The following WWC2 variants were observed in gnomAD, a reference collection of about 807,000 sequenced individuals.
The protein encoded by WWC2 is WW and C2 domain containing 2, also known as protein WWC2.
Under a neutral mutation model 138.5 loss-of-function variants are expected in WWC2, and 101 were observed. The ratio of observed to expected loss-of-function variants is 0.73; its 90% CI spans 0.62 to 0.86. WWC2 has a LOEUF of 0.86. Among genes scored for constraint, WWC2 ranks in the 40% least tolerant of loss-of-function variants. WWC2 has a pLI of 0.00. For missense variants in WWC2, 1,420 were observed against 1,419.4 expected, an observed-to-expected ratio of 1.00 and a Z score of -0.01; for synonymous variants, 558 against 538.4, an observed-to-expected ratio of 1.04 and a Z score of -0.50.
chr4:183,284,072 C>A (rs1738165290), intron 18 of WWC2, among the ~76,000 whole-genome samples, 154 bp from the exon 19 acceptor site: 1 of 152,200 alleles, frequency 6.6e-6, no homozygotes, highest in Non-Finnish European at 1.5e-5. Flanking sequence ...TTCAGAAGTA[C>A]TATAGTCTGT....
At chr4:183,170,180 T>C (rs956485625) in intron 1 of WWC2, among the ~76,000 whole-genome samples, 2 of 152,226 alleles carry the variant, frequency 1.3e-5, no homozygotes, top group African/African-American at 4.8e-5. Context: ...ATTGTGCCGT[T>C]GGCCAGAGAA....
In WWC2 at chr4:183,254,298, A is replaced by T. The variant is rs1198095453; in HGVS notation, c.1196+299A>T. Reference sequence around the variant, plus strand: ...GATAACAATAGCTATAAACTATTGCACTCCGATAAGAAAAATTATCTAGAC... The same window carrying T: ...GATAACAATAGCTATAAACTATTGCTCTCCGATAAGAAAAATTATCTAGAC... On this transcript the variant is annotated intron_variant, in intron 9 of 22. Transcript: ENST00000403733. Among the ~76,000 whole-genome samples the T allele has an allele frequency of 2.6e-5, 4 of 152,302 alleles. No individual in the cohort carries two copies. The East Asian group carries it at 7.7e-4, about 29-fold the overall frequency.
intron 1 of WWC2, among the ~76,000 whole-genome samples, chr4:183,100,223 G>T (rs1368175942): frequency 3.9e-5 from 6 of 152,250 alleles, no homozygotes; most frequent in African/African-American, 1.4e-4. Flanking sequence ...TTCGCTGTCT[G>T]TCGTTAGTCT....
chr4:183,320,120 C>G lies in WWC2; in HGVS notation c.*4391C>G, dbSNP rs1431128005. The G allele has an allele frequency of 3.1e-6, 5 of 1,614,010 alleles. No homozygotes were observed. Among genetic ancestry groups the G allele is most frequent in the East Asian group, 2.2e-5 (1 of 44,900 alleles). ...CATTTAAGTCCAGGTTGAGGTTCTT[C>G]CAGTGTGGCAGGTAGTTTGTAAGAC... On this transcript the variant is annotated 3_prime_UTR_variant, in exon 23 of 23. Coordinates refer to ENST00000403733, the MANE Select transcript of WWC2 (RefSeq NM_024949.6).
chr4:183,196,592 GCTAGAAGGCTCTTC>G (rs1213897526), intron 2 of WWC2, among the ~76,000 whole-genome samples: 1 of 152,136 alleles, frequency 6.6e-6, no homozygotes, highest in Non-Finnish European at 1.5e-5. Flanking sequence ...TCTATTCCTT[GCTAGAAGGCTCTTC>G]CTAGTCTGCT....
chr4:183,174,607 G>A (rs1025737032), intron 1 of WWC2, among the ~76,000 whole-genome samples: 4 of 152,150 alleles, frequency 2.6e-5, no homozygotes, highest in African/African-American at 9.7e-5. Flanking sequence ...AATCTGTGTA[G>A]TGTTTACTGG....
chr4:183,210,500 A>G (rs558962993), intron 4 of WWC2, among the ~76,000 whole-genome samples: 12 of 152,372 alleles, frequency 7.9e-5, no homozygotes, highest in Non-Finnish European at 1.5e-4. Flanking sequence ...TTGATTCACT[A>G]TAGTAATCAT....
intron 2 of WWC2, chr4:183,203,718 A>G (rs1333780679): frequency 1.3e-5 from 2 of 152,158 alleles, no homozygotes. Flanking sequence ...TTTTACAATA[A>G]CCAGAGCTGC....
At chr4:183,283,181 T>G (rs1560885724) in intron 18 of WWC2, among the ~76,000 whole-genome samples, 2 of 152,258 alleles carry the variant, frequency 1.3e-5, no homozygotes, top group African/African-American at 4.8e-5. Flanking sequence ...TCTGTGAATA[T>G]TAAAAGTATT....
chr4:183,158,276 G>A (rs1370475806), intron 1 of WWC2, among the ~76,000 whole-genome samples: 1 of 152,118 alleles, frequency 6.6e-6, no homozygotes, highest in African/African-American at 2.4e-5. Context: ...AAAAAATGAG[G>A]TTTGGGGTAT....
chr4:183,152,751 C>T (rs1371089447), intron 1 of WWC2, among the ~76,000 whole-genome samples: 4 of 149,694 alleles, frequency 2.7e-5, no homozygotes, highest in Admixed American at 1.3e-4. Flanking sequence ...GGTGTGGTGG[C>T]GGGTGCCTGT....
chr4:183,192,570 A>G (rs556169896), intron 1 of WWC2, among the ~76,000 whole-genome samples: 8 of 152,328 alleles, frequency 5.3e-5, no homozygotes, highest in Admixed American at 2.0e-4. Flanking sequence ...TCCTTTTTAT[A>G]TCATTCTTGA....
intron 1 of WWC2, among the ~76,000 whole-genome samples, chr4:183,119,757 A>G (rs189604831): frequency 5.5e-4 from 84 of 152,374 alleles, no homozygotes; most frequent in African/African-American, 1.9e-3. Flanking sequence ...TAAAATGAGC[A>G]CGTAGTATAT....
At chr4:183,259,086 A>G (rs747235716) in intron 9 of WWC2, among the ~76,000 whole-genome samples, 1 of 152,180 alleles carries the variant, frequency 6.6e-6, no homozygotes, top group African/African-American at 2.4e-5. Context: ...CCTCTTCCCT[A>G]AACAGTTGAG....
At chr4:183,102,833 T>TGGTA (rs1213609207) in intron 1 of WWC2, among the ~76,000 whole-genome samples, 1 of 151,962 alleles carries the variant, frequency 6.6e-6, no homozygotes, top group East Asian at 1.9e-4. Context: ...TTGGTGTTTA[T>TGGTA]GGTAGGCCAT....
chr4:183,280,861 C>T lies in WWC2; in HGVS notation c.2648C>T (p.Ser883Leu), dbSNP rs1176971787. ...TTAGCACAAGAAGAAGAAGAAGAATCAGGACAAGAAGAGCCAAGGGGCCCA... is the reference window on the plus strand; with the variant it reads ...TTAGCACAAGAAGAAGAAGAAGAATTAGGACAAGAAGAGCCAAGGGGCCCA... ...QELAQEEEEE[S>L]GQEEPRGPDG... The change falls in exon 17 of 23, where the codon TCA becomes TTA. Residue 883 changes from serine to leucine, a missense_variant. Coordinates refer to ENST00000403733, the MANE Select transcript of WWC2 (RefSeq NM_024949.6). The T allele has an allele frequency of 1.2e-5, 19 of 1,586,344 alleles. 1 individual carries two copies. In the South Asian group the frequency reaches 2.1e-4, roughly 17 times the overall value.
At chr4:183,315,543 AGCT>A in intron 22 of WWC2, 117 bp from the exon 23 acceptor site, 1 of 648,100 alleles carries the variant, frequency 1.5e-6, no homozygotes, top group Non-Finnish European at 2.6e-6. Context: ...TAAGGAAAAG[AGCT>A]TCTACCTGTG....
intron 21 of WWC2, among the ~76,000 whole-genome samples, chr4:183,292,571 G>A (rs1193413125): frequency 1.3e-5 from 2 of 150,714 alleles, no homozygotes; most frequent in Admixed American, 6.6e-5. Flanking sequence ...TGGATGTTTG[G>A]AAAGAATAAA....
intron 4 of WWC2, among the ~76,000 whole-genome samples, chr4:183,224,021 C>T (rs992768125): frequency 1.3e-5 from 2 of 152,140 alleles, no homozygotes; most frequent in African/African-American, 4.8e-5. Flanking sequence ...TGTGTGCCAC[C>T]GCACCCAGCT....
Sources: gnomAD v4.1 joint callset for allele counts (sites outside exome capture counted in the v4.1 genomes callset) on GRCh38, gnomAD v4.1.1 for gene constraint, MANE v1.5 for transcripts, NCBI Gene and HGNC (gene_info 2026-07-23, HGNC 2026-07-21) for gene names.